The following YKT6 variants were observed in gnomAD, a reference collection of about 807,000 sequenced individuals.
YKT6 encodes the protein YKT6 vesicular SNARE protein.
Under a neutral mutation model 29.3 loss-of-function variants are expected in YKT6, and 12 were observed. The ratio of observed to expected loss-of-function variants is 0.41; its 90% CI spans 0.26 to 0.66. The LOEUF (loss-of-function observed/expected upper bound fraction) is 0.66. Ranked by LOEUF, YKT6 falls within the 30% of genes least tolerant of loss-of-function variation. The pLI is 0.32. For synonymous variants in YKT6, 86 were observed against 94.3 expected (o/e 0.91, Z 0.51); for missense variants, 188 against 243.8 (o/e 0.77, Z 1.52).
chr7:44,206,460 G>C lies in YKT6; in HGVS notation c.263G>C (p.Arg88Pro), dbSNP rs765644782. The change falls in exon 3 of 7, where the codon CGG becomes CCG. Residue 88 changes from arginine to proline, a missense_variant. Physicochemically the swap from Arg to Pro is moderately radical, Grantham distance 103. This residue lies in a region of YKT6 where 100 missense variants were observed against 136.3 expected (regional missense o/e 0.73). Transcript: ENST00000223369. ...ATTGCTGACAATGAATACCCATCCC[G>C]GGTGGCCTTTACCTTGCTGGAGAAG... ...VVIADNEYPS[R>P]VAFTLLEKVL... 1.2e-5 allele frequency: 20 copies of C among 1,614,016 alleles called. No individual in the cohort carries two copies. The highest frequency in any genetic ancestry group is 1.7e-5 in the Non-Finnish European group (20 of 1,180,034).
chr7:44,212,052 G>A (rs887953604), intron 6 of YKT6, among the ~76,000 whole-genome samples, 195 bp from the exon 7 acceptor site: 3 of 152,210 alleles, frequency 2.0e-5, no homozygotes, highest in East Asian at 1.9e-4. Flanking sequence ...TTTGGAAGCC[G>A]GGGCCCGCCT....
chr7:44,202,164 A>G (rs1278616637), intron 1 of YKT6, among the ~76,000 whole-genome samples: 1 of 152,132 alleles, frequency 6.6e-6, no homozygotes, highest in African/African-American at 2.4e-5. Flanking sequence ...TCCCTGCTTC[A>G]GTGCAGCTGG....
Position 44,201,060 on chromosome 7 carries a change from G to A in YKT6, c.-76G>A, listed in dbSNP as rs1367575268. On this transcript the variant is annotated 5_prime_UTR_variant, in exon 1 of 7. Coordinates refer to ENST00000223369, the MANE Select transcript of YKT6 (RefSeq NM_006555.4). ...GAGGCCGGTAGGCGGCGGCGGTCCC[G>A]AGGGGCGGCGGCCGCGCTGCTCCCT... The A allele has an allele frequency of 3.0e-6, 4 of 1,327,706 alleles. No individual in the cohort carries two copies. In the South Asian group the frequency reaches 4.3e-5, roughly 14 times the overall value. 82.2% of individuals were successfully genotyped at this position (1,327,706 alleles called of 1,614,324 possible). A position where few individuals can be genotyped will look rare whatever the true frequency, so the allele number is the denominator to read the frequency against.
rs1283900964 is a variant in YKT6, at chr7:44,211,382, G to C, written c.561+258G>C. 2.0e-5 allele frequency among the ~76,000 whole-genome samples: 3 copies of C among 152,178 alleles called. No individual in the cohort carries two copies. In the South Asian group the frequency reaches 6.2e-4, roughly 31 times the overall value. ...CTCTGCTCTGCCCTCTGCTGCTCTG[G>C]CTGATTTCTGAACTCCTACTCCCAG... On this transcript the variant is annotated intron_variant, in intron 6 of 6. Coordinates refer to ENST00000223369, the MANE Select transcript of YKT6 (RefSeq NM_006555.4).
chr7:44,207,325 C>T (rs2096341829), intron 3 of YKT6, 63 bp from the exon 4 acceptor site: 1 of 1,465,608 alleles, frequency 6.8e-7, no homozygotes. Flanking sequence ...GGGTGAAGCC[C>T]TGTCATTGAG....
intron 6 of YKT6, among the ~76,000 whole-genome samples, 189 bp downstream of exon 6, chr7:44,211,313 C>T (rs937288808): frequency 3.9e-5 from 6 of 152,142 alleles, no homozygotes; most frequent in Admixed American, 6.5e-5. Context: ...TTCACTTGGG[C>T]GCCGTTGGAG....
intron 6 of YKT6, 125 bp from the exon 7 acceptor site, chr7:44,212,122 T>C (rs1470772927): frequency 9.0e-7 from 1 of 1,109,024 alleles, no homozygotes; most frequent in Non-Finnish European, 1.3e-6. Flanking sequence ...ACCCCCACCC[T>C]GTTCTAGTGC....
intron 1 of YKT6, among the ~76,000 whole-genome samples, chr7:44,203,239 G>A (rs753738505): frequency 4.6e-5 from 7 of 151,994 alleles, no homozygotes; most frequent in African/African-American, 1.5e-4. Flanking sequence ...GATTACAGGC[G>A]CGCACCACCA....
intron 6 of YKT6, 113 bp from the exon 7 acceptor site, chr7:44,212,134 A>T: frequency 7.8e-7 from 1 of 1,278,960 alleles, no homozygotes; most frequent in Non-Finnish European, 1.1e-6. Context: ...TTCTAGTGCT[A>T]GTTTCTCTGC....
intron 6 of YKT6, 86 bp from the exon 7 acceptor site, chr7:44,212,161 G>A (rs2096347488): frequency 6.5e-7 from 1 of 1,543,244 alleles, no homozygotes; most frequent in African/African-American, 1.4e-5. Context: ...GTGTCCTGTG[G>A]AGCTCCCTCT....
chr7:44,201,044 A>T lies in YKT6; in HGVS notation c.-92A>T. ...AGCAGCCGGCTGCTGAGAGGCCGGT[A>T]GGCGGCGGCGGTCCCGAGGGGCGGC... On this transcript the variant is annotated 5_prime_UTR_variant, in exon 1 of 7. Transcript: ENST00000223369. 2 of 1,051,266 alleles carry T rather than the reference A, an allele frequency of 1.9e-6. No individual in the cohort carries two copies. The highest frequency in any genetic ancestry group is 3.2e-4 in the Middle Eastern group (1 of 3,170). The allele number at this position is 1,051,266 out of a possible 1,614,324, so 65.1% of individuals were successfully genotyped here. A position where few individuals can be genotyped will look rare whatever the true frequency, so the allele number is the denominator to read the frequency against.
intron 6 of YKT6, chr7:44,211,724 G>A (rs1398467819): frequency 3.3e-6 from 2 of 613,938 alleles, no homozygotes; most frequent in Non-Finnish European, 2.1e-6. Flanking sequence ...ATTGGAGGGA[G>A]ATGGCTAGGT....
At chr7:44,205,656 C>G (rs2096340095) in intron 2 of YKT6, among the ~76,000 whole-genome samples, 1 of 152,216 alleles carries the variant, frequency 6.6e-6, no homozygotes, top group Non-Finnish European at 1.5e-5. Flanking sequence ...TTACATTTCT[C>G]TTTCCTTGGG....
chr7:44,207,302 G>A lies in YKT6; in HGVS notation c.289-86G>A. The stretch of plus-strand genomic sequence containing the variant: ...TGAAGGCCAAGGAGCCTCATTCAGG[G>A]TGAGGTGCTCAGGGGTGAAGCCCTG... On this transcript the variant is annotated intron_variant, in intron 3 of 6. Coordinates refer to ENST00000223369, the MANE Select transcript of YKT6 (RefSeq NM_006555.4). The A allele has an allele frequency of 9.7e-6, 11 of 1,133,470 alleles. No individual in the cohort carries two copies. In the South Asian group the frequency reaches 1.5e-4, roughly 16 times the overall value. The allele number at this position is 1,133,470 out of a possible 1,614,324, so 70.2% of individuals were successfully genotyped here. A position where few individuals can be genotyped will look rare whatever the true frequency, so the allele number is the denominator to read the frequency against.
intron 5 of YKT6, among the ~76,000 whole-genome samples, chr7:44,210,106 G>T (rs1008187766): frequency 2.0e-5 from 3 of 151,962 alleles, no homozygotes; most frequent in Non-Finnish European, 4.4e-5. Flanking sequence ...ACTTACTAAT[G>T]AAGCATGTGT....
At chr7:44,206,268 A>C (rs2096340761) in intron 2 of YKT6, 117 bp from the exon 3 acceptor site, 1 of 988,290 alleles carries the variant, frequency 1.0e-6, no homozygotes, top group Non-Finnish European at 1.5e-6. Context: ...GCCCAGAGCT[A>C]TTGAGCTTCC....
chr7:44,212,342 C>A lies in YKT6; in HGVS notation c.*60C>A. ...CCATCATTCACATCAGAACTGCAGC[C>A]CCTGGAAAAGAAGAGACAGCCATAG... is the stretch of plus-strand genomic sequence containing the variant. On this transcript the variant is annotated 3_prime_UTR_variant, in exon 7 of 7. Transcript: ENST00000223369. 6.3e-7 allele frequency: 1 copy of A among 1,593,546 alleles called. No individual in the cohort carries two copies. The highest frequency in any genetic ancestry group is 8.6e-7 in the Non-Finnish European group (1 of 1,164,574).
chr7:44,204,695 C>CA (rs774262686), intron 2 of YKT6, 45 bp downstream of exon 2: 10 of 1,591,754 alleles, frequency 6.3e-6, no homozygotes, highest in Non-Finnish European at 7.8e-6. Flanking sequence ...GCCTGGCTGC[C>CA]ATGCCTCACC....
chr7:44,209,452 CTCTT>C (rs2096344371), intron 5 of YKT6, among the ~76,000 whole-genome samples: 1 of 152,216 alleles, frequency 6.6e-6, no homozygotes, highest in Non-Finnish European at 1.5e-5. Flanking sequence ...CTCAAGCCAT[CTCTT>C]TCTGTTGCTC....
Sources: allele counts gnomAD v4.1 joint callset (sites outside exome capture counted in the v4.1 genomes callset), GRCh38; gene constraint gnomAD v4.1.1; regional missense constraint gnomAD v4.1.1; transcripts MANE v1.5; gene names NCBI Gene and HGNC (gene_info 2026-07-23, HGNC 2026-07-21).